SMAP2: variants seen among roughly 807,000 people sequenced by gnomAD.
The protein encoded by SMAP2 is stromal membrane-associated protein 2.
A neutral mutation model predicts 56.4 loss-of-function variants in SMAP2; 25 were observed. The observed-to-expected ratio is 0.44, with a 90% CI of 0.32 to 0.62. The LOEUF (loss-of-function observed/expected upper bound fraction) is 0.62, where lower values mean the gene tolerates loss of function less well. SMAP2 is among the 20% of genes least tolerant of loss of function. SMAP2 has a pLI of 0.04. For missense variants in SMAP2, 388 were observed against 545.6 expected (o/e 0.71, Z 2.88); for synonymous variants, 157 against 181.7 (o/e 0.86, Z 1.09).
upstream of SMAP2, among the ~76,000 whole-genome samples, chr1:40,371,470 T>G (rs1206515337): frequency 6.6e-6 from 1 of 152,230 alleles, no homozygotes; most frequent in African/African-American, 2.4e-5. Context: ...AACACAATGC[T>G]TATTTCTTGC....
At chr1:40,395,350 A>G (rs1644759510) in intron 1 of SMAP2, among the ~76,000 whole-genome samples, 1 of 152,114 alleles carries the variant, frequency 6.6e-6, no homozygotes, top group Non-Finnish European at 1.5e-5. Context: ...GCTGGGAGAG[A>G]CAACAAGGAA....
intron 1 of SMAP2, among the ~76,000 whole-genome samples, chr1:40,393,015 T>C (rs1338551213): frequency 1.3e-5 from 2 of 150,896 alleles, no homozygotes; most frequent in East Asian, 3.9e-4. Flanking sequence ...GGCAGGGGAA[T>C]AGCTTGAACC....
chr1:40,372,894 T>A (rs1413727443), upstream of SMAP2, among the ~76,000 whole-genome samples: 18 of 152,132 alleles, frequency 1.2e-4, no homozygotes, highest in Admixed American at 1.2e-3. Context: ...AATGAATGAA[T>A]GAGTGAATGA....
rs1205631860 is a variant in SMAP2, at chr1:40,356,415, G to GT, written c.-82-5872dup. Among the ~76,000 whole-genome samples, 1,289 of 134,056 alleles carry GT rather than the reference G, an allele frequency of 9.6e-3. 15 individuals carry two copies. The highest frequency in any genetic ancestry group is 0.015 in the East Asian group (67 of 4,522). The allele number at this position is 134,056 out of a possible 152,430, so 87.9% of individuals were successfully genotyped here. On this transcript the variant is annotated intron_variant, in intron 1 of 6. Transcript: ENST00000435168. Reference sequence around the variant, plus strand: ...TTTTGTGGGTTTTTTGTTTTTTTTTGTTTTTTTTTTTTTGAGACCAAGTCT... The same window carrying GT: ...TTTTGTGGGTTTTTTGTTTTTTTTTGTTTTTTTTTTTTTTGAGACCAAGTCT...
At chr1:40,376,656 G>A (rs1644543898) in intron 1 of SMAP2, among the ~76,000 whole-genome samples, 2 of 152,136 alleles carry the variant, frequency 1.3e-5, no homozygotes, top group African/African-American at 4.8e-5. Context: ...AAGACGTTTG[G>A]ATCAATAAAT....
chr1:40,411,519 A>G (rs1181884023), intron 4 of SMAP2, among the ~76,000 whole-genome samples: 1 of 152,252 alleles, frequency 6.6e-6, no homozygotes, highest in Non-Finnish European at 1.5e-5. Context: ...TACTGTACCC[A>G]TGAAAGCAAG....
chr1:40,367,749 C>T (rs1644483747), intron 2 of SMAP2, among the ~76,000 whole-genome samples: 1 of 147,720 alleles, frequency 6.8e-6, no homozygotes, highest in Non-Finnish European at 1.5e-5. Flanking sequence ...CAAGAGAAAG[C>T]AGGAAAGATC....
intron 1 of SMAP2, among the ~76,000 whole-genome samples, chr1:40,398,282 G>A (rs1273589789): frequency 6.6e-6 from 1 of 151,678 alleles, no homozygotes; most frequent in Non-Finnish European, 1.5e-5. Flanking sequence ...AGGATGAAGT[G>A]CCATGGTGCA....
Position 40,406,771 on chromosome 1 carries a change from A to C in SMAP2, c.139A>C (p.Ile47Leu). 1 of 1,614,088 alleles carries C rather than the reference A, an allele frequency of 6.2e-7. No individual in the cohort carries two copies. The highest frequency in any genetic ancestry group is 8.5e-7 in the Non-Finnish European group (1 of 1,179,972). Residue 47 changes from isoleucine to leucine, a missense_variant, in exon 2 of 10, where the codon ATC becomes CTC. Coordinates refer to ENST00000372718, the MANE Select transcript of SMAP2 (RefSeq NM_022733.3). Reference sequence around the variant, plus strand: ...GGCCTCTTGGAACATTGGTGTGTTCATCTGCATTCGATGTGCTGGAATCCA... The same window carrying C: ...GGCCTCTTGGAACATTGGTGTGTTCCTCTGCATTCGATGTGCTGGAATCCA... ...RWASWNIGVFICIRCAGIHRN... is the reference protein window; with the variant it reads ...RWASWNIGVFLCIRCAGIHRN...
upstream of SMAP2, among the ~76,000 whole-genome samples, chr1:40,369,762 A>T (rs1477245815): frequency 7.2e-6 from 1 of 139,032 alleles, no homozygotes; most frequent in Non-Finnish European, 1.5e-5. Context: ...CTAGAAGAAA[A>T]CCTAGGCATT....
intron 1 of SMAP2, among the ~76,000 whole-genome samples, chr1:40,391,416 C>G (rs991705629): frequency 6.6e-6 from 1 of 152,024 alleles, no homozygotes; most frequent in South Asian, 2.1e-4. Context: ...CAGCTGTTAG[C>G]GCAGCAGTCC....
At chr1:40,365,581 G>A (rs1419364961) in intron 2 of SMAP2, among the ~76,000 whole-genome samples, 1 of 152,146 alleles carries the variant, frequency 6.6e-6, no homozygotes, top group Non-Finnish European at 1.5e-5. Context: ...AGCTCCCAGC[G>A]TGACCGACGC....
Position 40,363,688 on chromosome 1 carries a change from G to A in SMAP2, c.55+1252G>A, listed in dbSNP as rs1488350769. ...GTTTTAACTTCATATTACAGAAAGA[G>A]ACACTGAAGAGAGTACAAAAGACAG... is the stretch of plus-strand genomic sequence containing the variant. On this transcript the variant is annotated intron_variant, in intron 2 of 6. Coordinates refer to the SMAP2 transcript ENST00000435168. 2.0e-5 allele frequency among the ~76,000 whole-genome samples: 3 copies of A among 152,166 alleles called. No individual in the cohort carries two copies. The East Asian group carries it at 5.8e-4, about 29-fold the overall frequency.
chr1:40,375,169 A>G (rs554144926), intron 1 of SMAP2, among the ~76,000 whole-genome samples: 12 of 152,326 alleles, frequency 7.9e-5, no homozygotes, highest in South Asian at 4.1e-4. Flanking sequence ...ACAAGCTTCT[A>G]TGAATCTTTT....
At chr1:40,380,930 C>T (rs1195012007) in intron 1 of SMAP2, among the ~76,000 whole-genome samples, 1 of 152,150 alleles carries the variant, frequency 6.6e-6, no homozygotes, top group African/African-American at 2.4e-5. Context: ...GCCAAGATCA[C>T]ATATATTTCT....
At chr1:40,362,312 G>A (rs915408318) in exon 2 of SMAP2, 3 of 152,228 alleles carry the variant, frequency 2.0e-5, no homozygotes, top group African/African-American at 7.2e-5. Context: ...GGTGTGCAGA[G>A]AAGCCAGGTT....
intron 1 of SMAP2, chr1:40,375,826 AC>A (rs33976621): frequency 0.16 from 131,634 of 810,608 alleles, 9,921 homozygotes; most frequent in African/African-American, 0.48. Context: ...GGTGACTAGA[AC>A]CCCCCCCCCC....
intron 1 of SMAP2, among the ~76,000 whole-genome samples, chr1:40,346,669 C>T (rs539239509): frequency 6.6e-6 from 1 of 151,696 alleles, no homozygotes; most frequent in South Asian, 2.1e-4. Context: ...TGCACATAAC[C>T]AAAAGTGTGA....
chr1:40,422,301 C>A lies in SMAP2; in HGVS notation c.*200C>A. 1.6e-6 allele frequency: 1 copy of A among 618,364 alleles called. No homozygotes were observed. 38.3% of individuals were successfully genotyped at this position (618,364 alleles called of 1,614,324 possible). A position where few individuals can be genotyped will look rare whatever the true frequency, so the allele number is the denominator to read the frequency against. On this transcript the variant is annotated 3_prime_UTR_variant, in exon 10 of 10. Coordinates refer to ENST00000372718, the MANE Select transcript of SMAP2 (RefSeq NM_022733.3). ...TCTGTTGCTTTATGTTGTACATGCC[C>A]CATAGCCATCCCAACGTCCTCCCCA... is the stretch of plus-strand genomic sequence containing the variant.
Sources: allele counts gnomAD v4.1 joint callset (sites outside exome capture counted in the v4.1 genomes callset), GRCh38; gene constraint gnomAD v4.1.1; transcripts MANE v1.5; gene names NCBI Gene and HGNC (gene_info 2026-07-23, HGNC 2026-07-21).